ASB5: variants seen among roughly 807,000 people sequenced by gnomAD.
ASB5 encodes ankyrin repeat and SOCS box containing 5, also known as ankyrin repeat and SOCS box protein 5.
ASB5 carries 45 observed loss-of-function variants against 42.1 expected under a neutral mutation model. The observed-to-expected ratio is 1.07, with a 90% CI of 0.84 to 1.37. ASB5 has a LOEUF of 1.37. Ranked by LOEUF, ASB5 falls within the 40% of genes most tolerant of loss-of-function variation. The pLI is 0.00. For missense variants in ASB5, 402 were observed against 399.8 expected (o/e 1.01, Z -0.05); for synonymous variants, 147 against 150.6 (o/e 0.98, Z 0.18).
intron 1 of ASB5, among the ~76,000 whole-genome samples, chr4:176,249,829 G>T (rs1324054072): frequency 6.6e-6 from 1 of 152,086 alleles, no homozygotes; most frequent in Non-Finnish European, 1.5e-5. Flanking sequence ...ACTTTGGGAG[G>T]CCGAGGCGGG....
chr4:176,264,968 C>A (rs1181094938), intron 1 of ASB5, among the ~76,000 whole-genome samples: 1 of 152,048 alleles, frequency 6.6e-6, no homozygotes, highest in African/African-American at 2.4e-5. Flanking sequence ...GTCCTCATCT[C>A]CTCATGGCAA....
In ASB5 at chr4:176,214,773, C is replaced by T. The variant is rs2126934414; in HGVS notation, c.*827G>A. The T allele has an allele frequency of 6.6e-6, 1 of 152,104 alleles. No homozygotes were observed. Among genetic ancestry groups the T allele is most frequent in the African/African-American group, 2.4e-5 (1 of 41,496 alleles). 9.4% of individuals were successfully genotyped at this position (152,104 alleles called of 1,614,324 possible). The stretch of plus-strand genomic sequence containing the variant: ...GTTAATTAGATATATAGTTCATTTT[C>T]TTAAGTCCAAGTATCACTAGCTATT... On this transcript the variant is annotated 3_prime_UTR_variant, in exon 7 of 7. Transcript: ENST00000296525.
At chr4:176,249,036 G>A (rs1393045909) in intron 1 of ASB5, among the ~76,000 whole-genome samples, 1 of 152,158 alleles carries the variant, frequency 6.6e-6, no homozygotes, top group African/African-American at 2.4e-5. Flanking sequence ...GTGTGATCTT[G>A]GCTCCCTGAA....
At chr4:176,219,584 ATATATAT>A (rs1753134561) in intron 5 of ASB5, among the ~76,000 whole-genome samples, 521 of 49,026 alleles carry the variant, frequency 0.011, 132 homozygotes, top group African/African-American at 0.023. Context: ...TGATATATAT[ATATATAT>A]ATATATATAT....
At chr4:176,218,243 G>T (rs1753035962) in intron 5 of ASB5, among the ~76,000 whole-genome samples, 2 of 40,618 alleles carry the variant, frequency 4.9e-5, no homozygotes, top group South Asian at 5.3e-4. Flanking sequence ...ATATTTGTAT[G>T]ATATATAAAT....
chr4:176,215,119 G>A lies in ASB5; in HGVS notation c.*481C>T, dbSNP rs1257795810. 1 of 152,304 alleles carries A rather than the reference G, an allele frequency of 6.6e-6. No individual in the cohort carries two copies. The highest frequency in any genetic ancestry group is 1.5e-5 in the Non-Finnish European group (1 of 68,210). The allele number at this position is 152,304 out of a possible 1,614,324, so 9.4% of individuals were successfully genotyped here. A position where few individuals can be genotyped will look rare whatever the true frequency, so the allele number is the denominator to read the frequency against. On this transcript the variant is annotated 3_prime_UTR_variant, in exon 7 of 7. Transcript: ENST00000296525. ...ATTCAACATAGTGGATTTCCTGAAT[G>A]AGCATCATCCTGGTTTCAGAAAACA...
At chr4:176,267,698 T>C (rs751707769) in intron 1 of ASB5, among the ~76,000 whole-genome samples, 2 of 152,160 alleles carry the variant, frequency 1.3e-5, no homozygotes, top group Non-Finnish European at 2.9e-5. Context: ...CCTATTTACT[T>C]GAGATTTTAT....
At chr4:176,242,975 G>A (rs183298097) in intron 1 of ASB5, among the ~76,000 whole-genome samples, 1 of 152,032 alleles carries the variant, frequency 6.6e-6, no homozygotes, top group East Asian at 1.9e-4. Context: ...ATCTGTTTTT[G>A]TAAATAAAGT....
At chr4:176,271,582 C>G (rs1754469656), upstream of ASB5, among the ~76,000 whole-genome samples, 1 of 152,018 alleles carries the variant, frequency 6.6e-6, no homozygotes, top group Admixed American at 6.6e-5. Context: ...ATCAATCAGT[C>G]AAACTAAAGT....
chr4:176,242,990 T>C (rs1753840492), intron 1 of ASB5, among the ~76,000 whole-genome samples: 1 of 152,204 alleles, frequency 6.6e-6, no homozygotes, highest in African/African-American at 2.4e-5. Flanking sequence ...TAAAGTTTTA[T>C]TGTAACAGAA....
rs935232740 is a variant in ASB5 at position 176,214,890 on chromosome 4, T to A, written c.*710A>T. On this transcript the variant is annotated 3_prime_UTR_variant, in exon 7 of 7. Transcript: ENST00000296525. The stretch of plus-strand genomic sequence containing the variant: ...GGGGCTACTCCTGAGAAGGAGGCAG[T>A]CTTAACATAGCCTTAGAAGGTGTGT... 2 of 152,142 alleles carry A rather than the reference T, an allele frequency of 1.3e-5. No individual in the cohort carries two copies. Among genetic ancestry groups the A allele is most frequent in the African/African-American group, 4.8e-5 (2 of 41,448 alleles). 9.4% of individuals were successfully genotyped at this position (152,142 alleles called of 1,614,324 possible).
upstream of ASB5, among the ~76,000 whole-genome samples, chr4:176,269,737 CTTGG>C (rs549058907): frequency 5.8e-4 from 89 of 152,274 alleles, no homozygotes; most frequent in African/African-American, 2.1e-3. Context: ...TTTTTAAGAA[CTTGG>C]TATGTGTCAA....
intron 5 of ASB5, among the ~76,000 whole-genome samples, 164 bp from the exon 6 acceptor site, chr4:176,217,173 T>C (rs1348379329): frequency 6.6e-6 from 1 of 152,190 alleles, no homozygotes; most frequent in Non-Finnish European, 1.5e-5. Flanking sequence ...AGTATCTACA[T>C]ACACATATAT....
At chr4:176,242,954 T>C (rs559055476) in intron 1 of ASB5, among the ~76,000 whole-genome samples, 5 of 152,328 alleles carry the variant, frequency 3.3e-5, no homozygotes, top group Non-Finnish European at 7.4e-5. Flanking sequence ...ATAGGCCAAA[T>C]TTAGCCTATC....
chr4:176,251,134 A>G (rs1288246052), intron 1 of ASB5, among the ~76,000 whole-genome samples: 1 of 151,726 alleles, frequency 6.6e-6, no homozygotes, highest in East Asian at 2.0e-4. Flanking sequence ...TCTCCTCCCC[A>G]TGGCTCTAGC....
intron 1 of ASB5, among the ~76,000 whole-genome samples, chr4:176,244,225 T>C (rs1753866698): frequency 6.6e-6 from 1 of 152,186 alleles, no homozygotes. Flanking sequence ...TTATTCAGAC[T>C]CAAGCATTAA....
chr4:176,220,715 G>C (rs1753179986), intron 5 of ASB5, among the ~76,000 whole-genome samples: 1 of 152,204 alleles, frequency 6.6e-6, no homozygotes, highest in African/African-American at 2.4e-5. Context: ...GTCTAGAAAA[G>C]TGCATGAGTT....
At chr4:176,269,424 C>T (rs1560823626), upstream of ASB5, among the ~76,000 whole-genome samples, 2 of 152,148 alleles carry the variant, frequency 1.3e-5, no homozygotes, top group East Asian at 1.9e-4. Flanking sequence ...ATATCCTTTC[C>T]ATTTTATATA....
At chr4:176,270,763 A>G (rs115328388), upstream of ASB5, among the ~76,000 whole-genome samples, 1,253 of 152,268 alleles carry the variant, frequency 8.2e-3, 8 homozygotes, top group Non-Finnish European at 0.012. Flanking sequence ...GAGTCAATAC[A>G]TGCTGATTCT....
Sources: gnomAD v4.1 joint callset for allele counts (sites outside exome capture counted in the v4.1 genomes callset) on GRCh38, gnomAD v4.1.1 for gene constraint, MANE v1.5 for transcripts, NCBI Gene and HGNC (gene_info 2026-07-23, HGNC 2026-07-21) for gene names.